The following H2AZ2 variants were observed in gnomAD, a reference collection of about 807,000 sequenced individuals.
H2AZ2 encodes histone H2A.V.
Under a neutral mutation model 15.5 loss-of-function variants are expected in H2AZ2, and 5 were observed. That is an observed-to-expected ratio of 0.32 (90% CI 0.17 to 0.68). The LOEUF (loss-of-function observed/expected upper bound fraction) is 0.68, where lower values mean the gene tolerates loss of function less well. Ranked by LOEUF, H2AZ2 falls within the 30% of genes least tolerant of loss-of-function variation. The pLI, the probability that H2AZ2 is intolerant of heterozygous loss-of-function variation, is 0.72. For missense variants in H2AZ2, 42 were observed against 162.5 expected (o/e 0.26, Z 4.03); for synonymous variants, 44 against 57.4 (o/e 0.77, Z 1.05).
At chr7:44,844,358 T>C (rs1233771776) in intron 1 of H2AZ2, among the ~76,000 whole-genome samples, 1 of 152,078 alleles carries the variant, frequency 6.6e-6, no homozygotes, top group Admixed American at 6.6e-5. Context: ...AAAAGACAAA[T>C]ACTGTATGAT....
At chr7:44,843,798 TC>T (rs1253297400) in intron 1 of H2AZ2, among the ~76,000 whole-genome samples, 7 of 152,282 alleles carry the variant, frequency 4.6e-5, no homozygotes, top group East Asian at 1.9e-4. Context: ...CCTCAAGTGA[TC>T]CGCCCGCCTA....
At chr7:44,829,987 C>T, downstream of H2AZ2, 1 of 607,154 alleles carries the variant, frequency 1.6e-6, no homozygotes, top group Non-Finnish European at 2.9e-6. Flanking sequence ...GATCAAGAAT[C>T]TTGCTTAAAA....
chr7:44,834,182 G>C lies in H2AZ2; in HGVS notation c.*319C>G. ...GAGATTTAAAATATTTAAAGTCTGA[G>C]TAAAATATTTCTAATACATCATGAA... On this transcript the variant is annotated 3_prime_UTR_variant, in exon 5 of 5. Coordinates refer to ENST00000308153, the MANE Select transcript of H2AZ2 (RefSeq NM_012412.5). 9.5e-7 allele frequency: 1 copy of C among 1,047,970 alleles called. No individual in the cohort carries two copies. 64.9% of individuals were successfully genotyped at this position (1,047,970 alleles called of 1,614,324 possible). A position where few individuals can be genotyped will look rare whatever the true frequency, so the allele number is the denominator to read the frequency against.
intron 3 of H2AZ2, 118 bp from the exon 4 acceptor site, chr7:44,835,776 T>G (rs1793104775): frequency 1.1e-6 from 1 of 874,816 alleles, no homozygotes; most frequent in African/African-American, 1.7e-5. Context: ...AATATATTTT[T>G]CTTTCTTGTA....
intron 1 of H2AZ2, among the ~76,000 whole-genome samples, chr7:44,846,038 C>T (rs1407860254): frequency 2.1e-5 from 2 of 93,758 alleles, no homozygotes; most frequent in East Asian, 4.2e-4. Flanking sequence ...CACACACACA[C>T]ACACACACAC....
At position 44,847,936 on chromosome 7, in the gene H2AZ2, C is replaced by T. The variant is rs1247421535; in HGVS notation, c.3+33G>A. ...GGCCTCCGCGCTCTGCTCTCCCAGG[C>T]CCCGTGCCCCCGGCCCACCCGGCCG... On this transcript the variant is annotated intron_variant, in intron 1 of 4. Transcript: ENST00000308153. 7 of 1,510,712 alleles carry T rather than the reference C, an allele frequency of 4.6e-6. No individual in the cohort carries two copies. In the African/African-American group the frequency reaches 7.2e-5, roughly 16 times the overall value. 93.6% of individuals were successfully genotyped at this position (1,510,712 alleles called of 1,614,324 possible).
intron 3 of H2AZ2, among the ~76,000 whole-genome samples, chr7:44,835,983 A>C (rs1044374962): frequency 1.5e-5 from 2 of 135,960 alleles, no homozygotes; most frequent in Non-Finnish European, 3.1e-5. Flanking sequence ...TTTTTGAGAC[A>C]AGGTCTCACT....
At position 44,835,635 on chromosome 7, in the gene H2AZ2, A is replaced by C. The variant is rs767023854; in HGVS notation, c.219T>G (p.Ala73=). 5.6e-6 allele frequency: 9 copies of C among 1,609,404 alleles called. No individual in the cohort carries two copies. The East Asian group carries it at 1.6e-4, about 28-fold the overall frequency. ...TAEVLELAGN[A]SKDLKVKRIT... is the part of the protein sequence containing the mutation. ...TACGCTTTACTTTGAGATCCTTAGA[A>C]GCATTACCTGCCAGCTCCAGCACCT... Residue 73 remains alanine (A), a synonymous_variant, in exon 4 of 5, where the codon GCT becomes GCG. Transcript: ENST00000308153.
chr7:44,831,847 G>A (rs1195771103), downstream of H2AZ2, among the ~76,000 whole-genome samples: 1 of 152,114 alleles, frequency 6.6e-6, no homozygotes, highest in Admixed American at 6.6e-5. Flanking sequence ...GAGTGGGCTG[G>A]CAGCATCCAA....
chr7:44,833,785 GT>G lies in H2AZ2; in HGVS notation c.*715del. Reference sequence around the variant, plus strand: ...GTCATTTTCTATCTACCAGTTCAATGTTTTTTGGCATAGCACACAATTTCTG... The same window carrying G: ...GTCATTTTCTATCTACCAGTTCAATGTTTTTGGCATAGCACACAATTTCTG... On this transcript the variant is annotated 3_prime_UTR_variant, in exon 5 of 5. Transcript: ENST00000308153. 1.4e-6 allele frequency: 1 copy of G among 738,936 alleles called. No individual in the cohort carries two copies. The highest frequency in any genetic ancestry group is 1.7e-6 in the Non-Finnish European group (1 of 604,494). 45.8% of individuals were successfully genotyped at this position (738,936 alleles called of 1,614,324 possible).
Position 44,833,759 on chromosome 7 carries a change from T to G in H2AZ2, c.*742A>C. The G allele has an allele frequency of 1.6e-5, 14 of 894,292 alleles. No homozygotes were observed. The highest frequency in any genetic ancestry group is 1.9e-5 in the Non-Finnish European group (14 of 746,888). The allele number at this position is 894,292 out of a possible 1,614,324, so 55.4% of individuals were successfully genotyped here. A position where few individuals can be genotyped will look rare whatever the true frequency, so the allele number is the denominator to read the frequency against. ...CAGATCTAGGTTTGAATCCTAGCTC[T>G]GTCATTTTCTATCTACCAGTTCAAT... On this transcript the variant is annotated 3_prime_UTR_variant, in exon 5 of 5. Coordinates refer to ENST00000308153, the MANE Select transcript of H2AZ2 (RefSeq NM_012412.5).
In H2AZ2 at chr7:44,846,034, C is replaced by T. The variant is rs1464675050; in HGVS notation, c.3+1935G>A. Among the ~76,000 whole-genome samples the T allele has an allele frequency of 8.2e-3, 765 of 92,756 alleles. 2 individuals are homozygous for T. The highest frequency in any genetic ancestry group is 9.7e-3 in the Non-Finnish European group (370 of 38,132). The allele number at this position is 92,756 out of a possible 152,430, so 60.9% of individuals were successfully genotyped here. ...TTGGTTTTAAAAAATTACACACACACACACACACACACACACACACACACA... is the reference window on the plus strand; with the variant it reads ...TTGGTTTTAAAAAATTACACACACATACACACACACACACACACACACACA... On this transcript the variant is annotated intron_variant, in intron 1 of 4. Coordinates refer to ENST00000308153, the MANE Select transcript of H2AZ2 (RefSeq NM_012412.5).
At chr7:44,834,641 A>G in intron 4 of H2AZ2, 79 bp from the exon 5 acceptor site, 2 of 1,298,090 alleles carry the variant, frequency 1.5e-6, no homozygotes, top group East Asian at 5.0e-5. Context: ...AGAAAAAATG[A>G]AATTTACTTA....
chr7:44,831,969 C>T (rs551478784), downstream of H2AZ2, among the ~76,000 whole-genome samples: 1 of 152,140 alleles, frequency 6.6e-6, no homozygotes, highest in Admixed American at 6.5e-5. Context: ...CAAAACAGAA[C>T]AACAGAAGCC....
At chr7:44,830,862 C>T (rs760889529), downstream of H2AZ2, among the ~76,000 whole-genome samples, 1 of 152,134 alleles carries the variant, frequency 6.6e-6, no homozygotes, top group Non-Finnish European at 1.5e-5. Flanking sequence ...AAACAAAAAA[C>T]ACACACAGAT....
At position 44,837,360 on chromosome 7, in the gene H2AZ2, T is replaced by C. The variant is rs142661312; in HGVS notation, c.196-1702A>G. ...ATCGGTTGAACCCAGGAGGTGGAGG[T>C]TGCAGTGAGCCGAGATTGAGCCACT... On this transcript the variant is annotated intron_variant, in intron 3 of 4. Transcript: ENST00000308153. Among the ~76,000 whole-genome samples, 910 of 134,090 alleles carry C rather than the reference T, an allele frequency of 6.8e-3. 7 individuals are homozygous for C. The highest frequency in any genetic ancestry group is 0.024 in the African/African-American group (856 of 35,884). The allele number at this position is 134,090 out of a possible 152,430, so 88.0% of individuals were successfully genotyped here.
intron 1 of H2AZ2, among the ~76,000 whole-genome samples, chr7:44,845,292 T>G (rs532270446): frequency 2.0e-5 from 3 of 152,174 alleles, no homozygotes; most frequent in Admixed American, 2.0e-4. Flanking sequence ...TATTAGGTAA[T>G]TCAACAAGAG....
At chr7:44,837,641 C>T (rs778019651) in intron 3 of H2AZ2, among the ~76,000 whole-genome samples, 11 of 151,670 alleles carry the variant, frequency 7.3e-5, no homozygotes, top group Non-Finnish European at 1.6e-4. Context: ...CAGGTGCACA[C>T]TATCACATCT....
At chr7:44,830,579 G>GA (rs1324835959), downstream of H2AZ2, among the ~76,000 whole-genome samples, 1 of 152,120 alleles carries the variant, frequency 6.6e-6, no homozygotes, top group Non-Finnish European at 1.5e-5. Flanking sequence ...AAAAGAAAAA[G>GA]AAAAATCCTT....
Sources: allele counts gnomAD v4.1 joint callset (sites outside exome capture counted in the v4.1 genomes callset), GRCh38; gene constraint gnomAD v4.1.1; transcripts MANE v1.5; gene names NCBI Gene and HGNC (gene_info 2026-07-23, HGNC 2026-07-21).